Variants in CADPS observed in about 807,000 individuals in gnomAD.
CADPS encodes the protein calcium-dependent secretion activator 1.
A neutral mutation model predicts 167.3 loss-of-function variants in CADPS; 57 were observed. The ratio of observed to expected loss-of-function variants is 0.34; its 90% CI spans 0.28 to 0.42. The LOEUF (loss-of-function observed/expected upper bound fraction) is 0.42, where lower values mean the gene tolerates loss of function less well. CADPS is among the 20% of genes least tolerant of loss of function. The pLI, the probability that CADPS is intolerant of heterozygous loss-of-function variation, is 1.00. For synonymous variants in CADPS, 676 were observed against 635.3 expected (o/e 1.06, Z -0.96); for missense variants, 1,414 against 1,738.1 (o/e 0.81, Z 3.32).
chr3:62,516,070 G>C lies in CADPS; in HGVS notation c.2570C>G (p.Ala857Gly). ...GAAGGGAGCCTTACCTTCGATTTTG[G>C]CATACTCTGAGAGCCGAGAATAGTT... is the stretch of plus-strand genomic sequence containing the variant. ...LVNYSRLSEY[A>G]KIEENQKDAE... Residue 857 changes from alanine (A) to glycine (G), a missense_variant, in exon 16 of 30, where the codon GCC becomes GGC. Physicochemically the swap from Ala to Gly is moderately conservative, Grantham distance 60. Transcript: ENST00000383710. 6.2e-7 allele frequency: 1 copy of C among 1,613,012 alleles called. No homozygotes were observed. The highest frequency in any genetic ancestry group is 8.5e-7 in the Non-Finnish European group (1 of 1,179,284).
chr3:62,520,967 A>G (rs1007728101), intron 13 of CADPS, among the ~76,000 whole-genome samples: 4 of 152,192 alleles, frequency 2.6e-5, no homozygotes, highest in Admixed American at 6.6e-5. Context: ...TATTAACTGA[A>G]AAATTCAGGT....
At chr3:62,543,237 T>C (rs2075984337) in intron 11 of CADPS, among the ~76,000 whole-genome samples, 1 of 152,208 alleles carries the variant, frequency 6.6e-6, no homozygotes, top group African/African-American at 2.4e-5. Context: ...ATTGAATTAA[T>C]TATTTGATAT....
At chr3:62,498,736 T>C (rs550615762) in intron 18 of CADPS, among the ~76,000 whole-genome samples, 115 of 151,050 alleles carry the variant, frequency 7.6e-4, no homozygotes, top group Non-Finnish European at 1.2e-3. Flanking sequence ...AAGACTGTAG[T>C]ACAAGCAGAG....
intron 1 of CADPS, among the ~76,000 whole-genome samples, chr3:62,810,616 C>T (rs1372252370): frequency 6.6e-6 from 1 of 152,124 alleles, no homozygotes; most frequent in Non-Finnish European, 1.5e-5. Context: ...AAATGACTTC[C>T]ATTATCCAGT....
chr3:62,492,842 G>T lies in CADPS; in HGVS notation c.2728-396C>A, dbSNP rs186315015. Among the ~76,000 whole-genome samples, 3 of 152,250 alleles carry T rather than the reference G, an allele frequency of 2.0e-5. No homozygotes were observed. The East Asian group carries it at 5.8e-4, about 29-fold the overall frequency. ...CACTGTGTTTATGGGTTTTCTGCTG[G>T]TCTAACTTGAAAATTTGTAATTATT... On this transcript the variant is annotated intron_variant, in intron 19 of 29. Coordinates refer to ENST00000383710, the MANE Select transcript of CADPS (RefSeq NM_003716.4).
In CADPS at chr3:62,491,525, TATC is replaced by T. The variant is rs2063688353; in HGVS notation, c.2885-48_2885-46del. On this transcript the variant is annotated intron_variant, in intron 20 of 29. Coordinates refer to ENST00000383710, the MANE Select transcript of CADPS (RefSeq NM_003716.4). Reference sequence around the variant, plus strand: ...GCTTGTTAAGAACCCACAGCTACTTTATCAACGTACAACACACACACACACACA... The same window carrying T: ...GCTTGTTAAGAACCCACAGCTACTTTAACGTACAACACACACACACACACA... The T allele has an allele frequency of 3.3e-6, 5 of 1,532,876 alleles. No individual in the cohort carries two copies. In the East Asian group the frequency reaches 1.1e-4, roughly 35 times the overall value. 95.0% of individuals were successfully genotyped at this position (1,532,876 alleles called of 1,614,324 possible). A position where few individuals can be genotyped will look rare whatever the true frequency, so the allele number is the denominator to read the frequency against.
chr3:62,527,208 A>T (rs2072496848), intron 13 of CADPS, among the ~76,000 whole-genome samples: 1 of 152,230 alleles, frequency 6.6e-6, no homozygotes, highest in Non-Finnish European at 1.5e-5. Flanking sequence ...TGTGTAAAAG[A>T]AACAACAAAT....
At position 62,602,218 on chromosome 3, in the gene CADPS, C is replaced by T. The variant is rs1304202988; in HGVS notation, c.1326-9470G>A. Among the ~76,000 whole-genome samples, 2 of 133,042 alleles carry T rather than the reference C, an allele frequency of 1.5e-5. No homozygotes were observed. The highest frequency in any genetic ancestry group is 5.9e-5 in the African/African-American group (2 of 34,154). 87.3% of individuals were successfully genotyped at this position (133,042 alleles called of 152,430 possible). On this transcript the variant is annotated intron_variant, in intron 6 of 29. Coordinates refer to ENST00000383710, the MANE Select transcript of CADPS (RefSeq NM_003716.4). This position sits in a 1 kb window ranked among gnomAD's most constrained non-coding sequence, Gnocchi z 4.4. ...AAGCCAAGAACACATCTACGTTAGG[C>T]AAATAAGGACCCTTGGAGAATTGGA...
intron 8 of CADPS, among the ~76,000 whole-genome samples, 191 bp from the exon 9 acceptor site, chr3:62,571,129 A>T (rs369222891): frequency 6.6e-6 from 1 of 152,274 alleles, no homozygotes; most frequent in Non-Finnish European, 1.5e-5. Context: ...TACAGGAGGA[A>T]TTGAGGCCTA....
chr3:62,448,646 CTG>C (rs2150022007), intron 26 of CADPS, among the ~76,000 whole-genome samples: 1 of 151,966 alleles, frequency 6.6e-6, no homozygotes, highest in African/African-American at 2.4e-5. Flanking sequence ...TGGAGTCTCA[CTG>C]TGTCACCCAG....
chr3:62,662,231 C>G, intron 4 of CADPS, 83 bp downstream of exon 4: 1 of 1,166,646 alleles, frequency 8.6e-7, no homozygotes, highest in Non-Finnish European at 1.3e-6. Context: ...CAGCTTTATC[C>G]TTTAGAGGCT....
At chr3:62,426,358 C>T (rs576335418) in intron 28 of CADPS, among the ~76,000 whole-genome samples, 2 of 152,224 alleles carry the variant, frequency 1.3e-5, no homozygotes, top group East Asian at 3.9e-4. Context: ...ACCATGTTGG[C>T]CAGGATGGTC....
At chr3:62,483,053 T>A (rs1044942708) in intron 21 of CADPS, among the ~76,000 whole-genome samples, 2 of 151,998 alleles carry the variant, frequency 1.3e-5, no homozygotes, top group Middle Eastern at 3.2e-3. Flanking sequence ...GTCTCAGTAG[T>A]GGCATTTTAA....
intron 17 of CADPS, 56 bp from the exon 18 acceptor site, chr3:62,499,324 G>T: frequency 9.2e-7 from 1 of 1,091,378 alleles, no homozygotes; most frequent in Non-Finnish European, 1.4e-6. Context: ...TACTTTTATG[G>T]CCATTAGAAC....
intron 28 of CADPS, among the ~76,000 whole-genome samples, chr3:62,432,311 T>G (rs1560300881): frequency 6.6e-6 from 1 of 152,126 alleles, no homozygotes; most frequent in Non-Finnish European, 1.5e-5. Flanking sequence ...CTTAGGGAAG[T>G]GAAATAATTG....
At chr3:62,789,704 T>G (rs1256827797) in intron 1 of CADPS, among the ~76,000 whole-genome samples, 1 of 152,212 alleles carries the variant, frequency 6.6e-6, no homozygotes, top group Non-Finnish European at 1.5e-5. Flanking sequence ...CTGGAGTCTT[T>G]CAGAAGTTTT....
At chr3:62,494,593 A>G (rs1463225083) in intron 18 of CADPS, among the ~76,000 whole-genome samples, 3 of 152,120 alleles carry the variant, frequency 2.0e-5, no homozygotes, top group African/African-American at 7.2e-5. Flanking sequence ...AAAACAAAAC[A>G]AAACAAAAAA....
intron 4 of CADPS, among the ~76,000 whole-genome samples, chr3:62,659,816 C>G (rs1261522568): frequency 6.6e-6 from 1 of 152,176 alleles, no homozygotes; most frequent in Non-Finnish European, 1.5e-5. Flanking sequence ...AAGGGGGCCA[C>G]TGGCATGAAC....
intron 13 of CADPS, among the ~76,000 whole-genome samples, chr3:62,532,286 T>C (rs1052020995): frequency 2.6e-5 from 4 of 152,220 alleles, no homozygotes; most frequent in Non-Finnish European, 5.9e-5. Context: ...CATGGAATTT[T>C]ATTCCCTTTC....
Sources: gnomAD v4.1 joint callset for allele counts (sites outside exome capture counted in the v4.1 genomes callset) on GRCh38, gnomAD v4.1.1 for gene constraint, Gnocchi (gnomAD v3.1) non-coding constraint, MANE v1.5 for transcripts, NCBI Gene and HGNC (gene_info 2026-07-23, HGNC 2026-07-21) for gene names.